Variants in NXPE2 observed in about 807,000 individuals in gnomAD.
The protein encoded by NXPE2 is neurexophilin and PC-esterase domain family member 2.
NXPE2 carries 34 observed loss-of-function variants against 34.4 expected under a neutral mutation model. The observed-to-expected ratio is 0.99, with a 90% CI of 0.75 to 1.31. NXPE2 has a LOEUF of 1.31. Ranked by LOEUF, NXPE2 falls within the 40% of genes most tolerant of loss-of-function variation. NXPE2 has a pLI of 0.00. For synonymous variants in NXPE2, 235 were observed against 231.3 expected, an observed-to-expected ratio of 1.02 and a Z score of -0.15; for missense variants, 649 against 672.5, an observed-to-expected ratio of 0.97 and a Z score of 0.39.
the NXPE2 span, among the ~76,000 whole-genome samples, chr11:114,768,258 C>A: frequency 6.6e-6 from 1 of 152,050 alleles, no homozygotes; most frequent in East Asian, 1.9e-4. Flanking sequence ...CTGTACTGTT[C>A]CATTGGTCTA....
At chr11:114,566,031 A>T in the NXPE2 span, among the ~76,000 whole-genome samples, 1 of 152,196 alleles carries the variant, frequency 6.6e-6, no homozygotes, top group East Asian at 1.9e-4. Context: ...AACATTTCTG[A>T]GCTGGAGAAA....
In NXPE2 at chr11:114,704,032, T is replaced by C. The variant is rs75398096; in HGVS notation, c.908T>C (p.Ile303Thr). The change falls in exon 4 of 6, where the codon ATT (isoleucine) becomes ACT (threonine). Residue 303 changes from isoleucine (I) to threonine (T), a missense_variant. Coordinates refer to ENST00000389586, the MANE Select transcript of NXPE2 (RefSeq NM_182495.6). ...GAAATGATGAAGAACTTTACCCCCATTGAGGTCATACCATGCAACAGTAAG... is the reference window on the plus strand; with the variant it reads ...GAAATGATGAAGAACTTTACCCCCACTGAGGTCATACCATGCAACAGTAAG... ...GVEMMKNFTPIEVIPCNKSEN... is the reference protein window; with the variant it reads ...GVEMMKNFTPTEVIPCNKSEN... 1.1e-3 allele frequency: 1,759 copies of C among 1,551,876 alleles called. 20 individuals carry two copies. In the African/African-American group the frequency reaches 0.022, roughly 19 times the overall value.
At chr11:114,510,542 T>C in the NXPE2 span, among the ~76,000 whole-genome samples, 20 of 152,126 alleles carry the variant, frequency 1.3e-4, no homozygotes, top group Admixed American at 1.3e-3. Context: ...TCTTAGAAAG[T>C]TTTTAGAAGA....
At chr11:114,811,590 G>A in the NXPE2 span, among the ~76,000 whole-genome samples, 1 of 152,184 alleles carries the variant, frequency 6.6e-6, no homozygotes, top group Non-Finnish European at 1.5e-5. Flanking sequence ...CAGGCAGATG[G>A]CCGGGCCTTA....
At chr11:114,696,348 A>G (rs1381785270) in intron 2 of NXPE2, among the ~76,000 whole-genome samples, 1 of 148,216 alleles carries the variant, frequency 6.7e-6, no homozygotes, top group Non-Finnish European at 1.5e-5. Context: ...ACCAAAAAAA[A>G]AAAAAAAAAA....
the NXPE2 span, among the ~76,000 whole-genome samples, chr11:114,633,697 G>A: frequency 6.7e-6 from 1 of 149,050 alleles, no homozygotes; most frequent in African/African-American, 2.5e-5. Context: ...TCCCACCTAT[G>A]AGTGAGAACA....
chr11:114,712,188 A>G, the NXPE2 span, among the ~76,000 whole-genome samples: 2 of 152,220 alleles, frequency 1.3e-5, no homozygotes, highest in Non-Finnish European at 2.9e-5. Context: ...ATCCAAAACT[A>G]TTAAACTTCT....
At chr11:114,664,926 A>G in the NXPE2 span, among the ~76,000 whole-genome samples, 1 of 152,150 alleles carries the variant, frequency 6.6e-6, no homozygotes, top group Non-Finnish European at 1.5e-5. Flanking sequence ...TTCAGAGCAC[A>G]TTTAAAGTGG....
the NXPE2 span, among the ~76,000 whole-genome samples, chr11:114,649,152 G>A: frequency 0.011 from 1,702 of 150,466 alleles, 40 homozygotes; most frequent in African/African-American, 0.038. Context: ...TTTAACTGGT[G>A]GGGTGACCCA....
At chr11:114,697,102 C>G (rs952624496) in intron 2 of NXPE2, among the ~76,000 whole-genome samples, 16 of 152,024 alleles carry the variant, frequency 1.1e-4, no homozygotes, top group African/African-American at 3.4e-4. Flanking sequence ...ATTTTTGGAC[C>G]ATGGTTGACC....
chr11:114,512,937 G>A, the NXPE2 span: 1 of 310,820 alleles, frequency 3.2e-6, no homozygotes, highest in Non-Finnish European at 6.5e-6. Context: ...TGGAAAACTG[G>A]CCCTTGAAGA....
At chr11:114,534,773 G>A in the NXPE2 span, among the ~76,000 whole-genome samples, 2 of 152,132 alleles carry the variant, frequency 1.3e-5, no homozygotes, top group Admixed American at 6.6e-5. Flanking sequence ...AAGAAATATG[G>A]GACTATGTGA....
the NXPE2 span, among the ~76,000 whole-genome samples, chr11:114,599,477 C>T: frequency 6.6e-6 from 1 of 152,136 alleles, no homozygotes; most frequent in African/African-American, 2.4e-5. Context: ...GGCAGTGTTC[C>T]ACTCCCCAGT....
At chr11:114,651,503 A>G in the NXPE2 span, among the ~76,000 whole-genome samples, 5 of 152,192 alleles carry the variant, frequency 3.3e-5, no homozygotes. Context: ...GAGCAAAAGA[A>G]CAAACCTGCC....
chr11:114,515,642 A>G, the NXPE2 span, among the ~76,000 whole-genome samples: 5 of 152,146 alleles, frequency 3.3e-5, no homozygotes, highest in East Asian at 1.9e-4. Context: ...CATTCGATCT[A>G]TTTTTGTTTA....
chr11:114,567,160 C>T, the NXPE2 span, among the ~76,000 whole-genome samples: 3 of 152,148 alleles, frequency 2.0e-5, no homozygotes, highest in African/African-American at 7.2e-5. Context: ...GGCAACCTTG[C>T]AGCCTCATCC....
the NXPE2 span, among the ~76,000 whole-genome samples, chr11:114,575,100 C>T: frequency 1.2e-4 from 18 of 152,110 alleles, no homozygotes; most frequent in African/African-American, 3.9e-4. Context: ...ATCACATCAT[C>T]GTCTCAGCAG....
chr11:114,502,186 G>A, the NXPE2 span, among the ~76,000 whole-genome samples: 3 of 152,082 alleles, frequency 2.0e-5, no homozygotes, highest in Admixed American at 6.5e-5. Flanking sequence ...TATCTCTTGG[G>A]TGTTCTGTAC....
At chr11:114,472,415 TATA>T in the NXPE2 span, among the ~76,000 whole-genome samples, 23 of 152,214 alleles carry the variant, frequency 1.5e-4, no homozygotes, top group African/African-American at 4.8e-4. Flanking sequence ...AAAAAAATCT[TATA>T]ATGTTTTAAG....
Sources: gnomAD v4.1 joint callset for allele counts (sites outside exome capture counted in the v4.1 genomes callset) on GRCh38, gnomAD v4.1.1 for gene constraint, MANE v1.5 for transcripts, NCBI Gene and HGNC (gene_info 2026-07-23, HGNC 2026-07-21) for gene names.